Variants in LGSN observed in about 807,000 individuals in gnomAD.
LGSN encodes lengsin.
LGSN carries 21 observed loss-of-function variants against 19.5 expected under a neutral mutation model. That is an observed-to-expected ratio of 1.07 (90% CI 0.76 to 1.55). LGSN has a LOEUF of 1.55. Among genes scored for constraint, LGSN ranks in the 40% most tolerant of loss-of-function variants. LGSN has a pLI of 0.00. For missense variants in LGSN, 673 were observed against 608.5 expected (o/e 1.11, Z -1.12); for synonymous variants, 257 against 215.6 (o/e 1.19, Z -1.68).
chr6:63,332,691 T>C, the LGSN span, among the ~76,000 whole-genome samples: 1 of 152,140 alleles, frequency 6.6e-6, no homozygotes, highest in Non-Finnish European at 1.5e-5. Flanking sequence ...CCCTGAATTC[T>C]AAGGAAAGAC....
the LGSN span, among the ~76,000 whole-genome samples, chr6:63,541,488 G>A: frequency 2.6e-5 from 4 of 152,058 alleles, no homozygotes; most frequent in African/African-American, 9.7e-5. Flanking sequence ...CGGAGGCAGA[G>A]GTTGCAGTGA....
chr6:63,343,249 A>C, the LGSN span, among the ~76,000 whole-genome samples: 1 of 152,128 alleles, frequency 6.6e-6, no homozygotes, highest in Non-Finnish European at 1.5e-5. Flanking sequence ...TCACGTTTTA[A>C]CCCGAATCTC....
the LGSN span, among the ~76,000 whole-genome samples, chr6:63,354,032 A>AG: frequency 1.3e-5 from 2 of 152,178 alleles, no homozygotes; most frequent in Non-Finnish European, 2.9e-5. Context: ...ACCTCAAACT[A>AG]TAAAACTACT....
At chr6:63,420,706 C>T in the LGSN span, among the ~76,000 whole-genome samples, 1 of 152,086 alleles carries the variant, frequency 6.6e-6, no homozygotes, top group Admixed American at 6.6e-5. Context: ...TCTCAAAACA[C>T]AATATTCAAC....
chr6:63,457,635 T>C, the LGSN span, among the ~76,000 whole-genome samples: 1 of 152,256 alleles, frequency 6.6e-6, no homozygotes, highest in African/African-American at 2.4e-5. Flanking sequence ...TCCAGAACTT[T>C]GGGAGGCCGA....
the LGSN span, among the ~76,000 whole-genome samples, chr6:63,326,002 G>A: frequency 1.4e-3 from 211 of 152,236 alleles, 5 homozygotes; most frequent in South Asian, 0.043. Context: ...TGTTTTGACA[G>A]GGCACTGATT....
chr6:63,555,312 G>A, the LGSN span, among the ~76,000 whole-genome samples: 1 of 152,154 alleles, frequency 6.6e-6, no homozygotes, highest in African/African-American at 2.4e-5. Context: ...AGGAACTTCG[G>A]AGAGTTCCCT....
At chr6:63,346,615 G>A in the LGSN span, among the ~76,000 whole-genome samples, 25 of 151,760 alleles carry the variant, frequency 1.6e-4, no homozygotes, top group Non-Finnish European at 2.8e-4. Context: ...TTAACCTAAG[G>A]AGGGAGTCAT....
chr6:63,358,481 A>G, the LGSN span, among the ~76,000 whole-genome samples: 4 of 152,174 alleles, frequency 2.6e-5, no homozygotes, highest in East Asian at 7.7e-4. Flanking sequence ...ATGTTCTTCC[A>G]TTTGTTTGTA....
At chr6:63,568,187 C>T in the LGSN span, among the ~76,000 whole-genome samples, 2 of 152,216 alleles carry the variant, frequency 1.3e-5, no homozygotes, top group Non-Finnish European at 2.9e-5. Context: ...GCATTCACAA[C>T]TTGACTGTTT....
At chr6:63,436,140 T>A in the LGSN span, among the ~76,000 whole-genome samples, 1 of 152,230 alleles carries the variant, frequency 6.6e-6, no homozygotes, top group Non-Finnish European at 1.5e-5. Flanking sequence ...AAAGTAGCCC[T>A]ACCACCATCT....
At chr6:63,451,653 G>A in the LGSN span, among the ~76,000 whole-genome samples, 2 of 151,968 alleles carry the variant, frequency 1.3e-5, no homozygotes, top group African/African-American at 2.4e-5. Flanking sequence ...TGGGTACAAG[G>A]CTTAATAACT....
chr6:63,281,568 G>T (rs980520381), intron 3 of LGSN, among the ~76,000 whole-genome samples: 4 of 151,956 alleles, frequency 2.6e-5, no homozygotes, highest in African/African-American at 9.7e-5. Flanking sequence ...GGAATTATTT[G>T]AAATTATCAT....
the LGSN span, among the ~76,000 whole-genome samples, chr6:63,565,616 A>G: frequency 6.6e-6 from 1 of 152,316 alleles, no homozygotes; most frequent in East Asian, 1.9e-4. Flanking sequence ...GACTGTTTCT[A>G]TATGTCTGAC....
chr6:63,412,575 G>GAAAGAAAGAAAGA, the LGSN span, among the ~76,000 whole-genome samples: 2 of 90,102 alleles, frequency 2.2e-5, no homozygotes, highest in African/African-American at 1.1e-4. Context: ...AGAAAGGAAG[G>GAAAGAAAGAAAGA]AAGGAAAGAA....
chr6:63,557,034 T>C, the LGSN span, among the ~76,000 whole-genome samples: 6 of 152,356 alleles, frequency 3.9e-5, no homozygotes, highest in South Asian at 2.1e-4. Flanking sequence ...GCATGAAATA[T>C]GCTAGTTTCT....
chr6:63,354,397 A>C, the LGSN span, among the ~76,000 whole-genome samples: 5 of 152,182 alleles, frequency 3.3e-5, no homozygotes, highest in African/African-American at 1.2e-4. Context: ...AAAATGTTCA[A>C]CGTCACTAAT....
the LGSN span, among the ~76,000 whole-genome samples, chr6:63,522,991 A>T: frequency 2.6e-5 from 4 of 151,450 alleles, no homozygotes; most frequent in Non-Finnish European, 4.4e-5. Flanking sequence ...CAGCCTCCGG[A>T]GTAGCTGGGA....
At chr6:63,412,571 G>GAAGA in the LGSN span, among the ~76,000 whole-genome samples, 1 of 62,816 alleles carries the variant, frequency 1.6e-5, no homozygotes, top group Non-Finnish European at 3.2e-5. Context: ...AGAAAGAAAG[G>GAAGA]AAGGAAGGAA....
Sources: allele counts gnomAD v4.1 joint callset (sites outside exome capture counted in the v4.1 genomes callset), GRCh38; gene constraint gnomAD v4.1.1; transcripts MANE v1.5; gene names NCBI Gene and HGNC (gene_info 2026-07-23, HGNC 2026-07-21).